EIF3M: variants seen among roughly 807,000 people sequenced by gnomAD.
EIF3M encodes B5 receptor.
In EIF3M, 25 loss-of-function variants were observed where a neutral mutation model predicts 49.7. That is an observed-to-expected ratio of 0.50 (90% confidence interval 0.37 to 0.70). The LOEUF (loss-of-function observed/expected upper bound fraction) is 0.70, where lower values mean the gene tolerates loss of function less well. Among genes scored for constraint, EIF3M ranks in the 30% least tolerant of loss-of-function variants. The pLI is 0.00. For missense variants in EIF3M, 350 were observed against 440.0 expected, an observed-to-expected ratio of 0.80 and a Z score of 1.83; for synonymous variants, 156 against 149.8, an observed-to-expected ratio of 1.04 and a Z score of -0.30.
intron 1 of EIF3M, 102 bp downstream of exon 1, chr11:32,584,031 C>CG (rs1432699262): frequency 1.4e-6 from 2 of 1,469,454 alleles, no homozygotes; most frequent in Non-Finnish European, 1.9e-6. Flanking sequence ...GGCTGACACC[C>CG]GCAGCTGTTC....
intron 7 of EIF3M, 95 bp from the exon 8 acceptor site, chr11:32,595,871 G>C: frequency 1.1e-6 from 1 of 919,586 alleles, no homozygotes. Context: ...GTAGGAGTCA[G>C]TATCTTTAAA....
At chr11:32,592,307 C>T (rs897041828) in intron 5 of EIF3M, 42 of 529,608 alleles carry the variant, frequency 7.9e-5, no homozygotes, top group South Asian at 5.2e-4. Flanking sequence ...ACAATTTTAT[C>T]ATGATCATCA....
rs532912365 is a variant in EIF3M at position 32,601,564 on chromosome 11, T to C, written c.944-198T>C. 2.4e-5 allele frequency: 11 copies of C among 464,512 alleles called. No individual in the cohort carries two copies. In the South Asian group the frequency reaches 5.0e-4, roughly 21 times the overall value. The allele number at this position is 464,512 out of a possible 1,614,324, so 28.8% of individuals were successfully genotyped here. A position where few individuals can be genotyped will look rare whatever the true frequency, so the allele number is the denominator to read the frequency against. On this transcript the variant is annotated intron_variant, in intron 9 of 10. Coordinates refer to ENST00000531120, the MANE Select transcript of EIF3M (RefSeq NM_006360.6). ...TGCAGTATTTATTTAATATAGATTGTCCCAGCAGCCATAGGACAAATGCAT... is the reference window on the plus strand; with the variant it reads ...TGCAGTATTTATTTAATATAGATTGCCCCAGCAGCCATAGGACAAATGCAT...
intron 9 of EIF3M, chr11:32,601,510 A>G: frequency 3.3e-6 from 1 of 301,812 alleles, no homozygotes. Flanking sequence ...TTAAAAAAAA[A>G]AAAAAAAAAA....
At chr11:32,589,176 T>C (rs1310206323) in intron 4 of EIF3M, 41 bp downstream of exon 4, 3 of 1,592,710 alleles carry the variant, frequency 1.9e-6, no homozygotes, top group Admixed American at 1.8e-5. Context: ...TTATAAGAAA[T>C]GTACTTTTTT....
intron 6 of EIF3M, 123 bp from the exon 7 acceptor site, chr11:32,594,791 T>G: frequency 1.4e-6 from 1 of 716,116 alleles, no homozygotes; most frequent in Non-Finnish European, 2.2e-6. Flanking sequence ...TTTTTTAATG[T>G]TGTTTATATG....
Position 32,602,699 on chromosome 11 carries a change from G to T in EIF3M, c.*300G>T. 1.1e-6 allele frequency: 1 copy of T among 939,120 alleles called. No homozygotes were observed. Among genetic ancestry groups the T allele is most frequent in the Non-Finnish European group, 1.6e-6 (1 of 642,584 alleles). The allele number at this position is 939,120 out of a possible 1,614,324, so 58.2% of individuals were successfully genotyped here. A position where few individuals can be genotyped will look rare whatever the true frequency, so the allele number is the denominator to read the frequency against. On this transcript the variant is annotated 3_prime_UTR_variant, in exon 11 of 11. Transcript: ENST00000531120. Reference sequence around the variant, plus strand: ...CAATTTCTTCACATTAGAAAAACTTGGAAAAGCAAAGACAAACTGTAGAGC... The same window carrying T: ...CAATTTCTTCACATTAGAAAAACTTTGAAAAGCAAAGACAAACTGTAGAGC...
intron 1 of EIF3M, among the ~76,000 whole-genome samples, chr11:32,584,570 T>A (rs1854962989): frequency 8.2e-6 from 1 of 122,342 alleles, no homozygotes. Context: ...ATCGCGCCAC[T>A]GCACTCCAGC....
intron 1 of EIF3M, among the ~76,000 whole-genome samples, chr11:32,584,607 C>CAAAAAAA (rs796738414): frequency 0.034 from 2,122 of 61,930 alleles, 226 homozygotes; most frequent in African/African-American, 0.1. Flanking sequence ...GAGTCCCTCT[C>CAAAAAAA]AAAAAAAAAA....
intron 6 of EIF3M, 103 bp downstream of exon 6, chr11:32,594,052 C>T: frequency 1.4e-6 from 1 of 708,758 alleles, no homozygotes; most frequent in Non-Finnish European, 2.1e-6. Context: ...ACCAGTGATC[C>T]AGAGCCATTT....
At chr11:32,592,044 C>T (rs752480906) in intron 5 of EIF3M, 5 of 278,780 alleles carry the variant, frequency 1.8e-5, no homozygotes, top group South Asian at 7.5e-5. Context: ...AGGACAACTG[C>T]GGTAGTTGCC....
intron 8 of EIF3M, among the ~76,000 whole-genome samples, chr11:32,596,712 C>T (rs1361163135): frequency 6.6e-6 from 1 of 152,034 alleles, no homozygotes; most frequent in East Asian, 1.9e-4. Flanking sequence ...TCAAGACCAG[C>T]CTGGCCAACA....
chr11:32,601,114 C>T (rs1208556544), intron 9 of EIF3M: 2 of 217,648 alleles, frequency 9.2e-6, no homozygotes, highest in Non-Finnish European at 9.0e-6. Flanking sequence ...GGATTTAAGA[C>T]CAGGCCCTTC....
rs796738414 is a variant in EIF3M at position 32,584,607 on chromosome 11, C to CAAAAAAAAAAAAA, written c.42+687_42+699dup. On this transcript the variant is annotated intron_variant, in intron 1 of 10. Transcript: ENST00000531120. ...TGGGCGACAGAGCGAGAGTCCCTCTCAAAAAAAAAAAAAAAAAAAAAGATC... is the reference window on the plus strand; with the variant it reads ...TGGGCGACAGAGCGAGAGTCCCTCTCAAAAAAAAAAAAAAAAAAAAAAAAAAAAAAAAAAGATC... 8.7e-4 allele frequency among the ~76,000 whole-genome samples: 54 copies of CAAAAAAAAAAAAA among 62,274 alleles called. 1 individual carries two copies. The highest frequency in any genetic ancestry group is 2.1e-3 in the African/African-American group (35 of 16,760). 40.9% of individuals were successfully genotyped at this position (62,274 alleles called of 152,430 possible).
intron 10 of EIF3M, chr11:32,602,035 G>A (rs1187366314): frequency 1.2e-6 from 1 of 834,608 alleles, no homozygotes; most frequent in South Asian, 1.6e-5. Context: ...TAATGGCTGA[G>A]CATTGGCTAG....
chr11:32,606,032 G>A lies in EIF3M; in HGVS notation c.*3633G>A, dbSNP rs1468619047. 6.6e-6 allele frequency: 1 copy of A among 151,692 alleles called. No individual in the cohort carries two copies. The highest frequency in any genetic ancestry group is 1.5e-5 in the Non-Finnish European group (1 of 67,980). The allele number at this position is 151,692 out of a possible 1,614,324, so 9.4% of individuals were successfully genotyped here. ...GGATATATAAAAAAAAAAGTAAGTGGCTTGCTTTGCTTACTCTGGTTTTCC... is the reference window on the plus strand; with the variant it reads ...GGATATATAAAAAAAAAAGTAAGTGACTTGCTTTGCTTACTCTGGTTTTCC... On this transcript the variant is annotated 3_prime_UTR_variant, in exon 11 of 11. Coordinates refer to ENST00000531120, the MANE Select transcript of EIF3M (RefSeq NM_006360.6).
rs763035659 is a variant in EIF3M at position 32,589,153 on chromosome 11, A to C, written c.438+18A>C. ...TGGATCAAGTGAGTTACTGTGTGGAATAGTTGTTCTGCTTATAAGAAATGT... is the reference window on the plus strand; with the variant it reads ...TGGATCAAGTGAGTTACTGTGTGGACTAGTTGTTCTGCTTATAAGAAATGT... On this transcript the variant is annotated intron_variant, in intron 4 of 10. Transcript: ENST00000531120. The C allele has an allele frequency of 6.2e-7, 1 of 1,607,486 alleles. No individual in the cohort carries two copies. The highest frequency in any genetic ancestry group is 1.1e-5 in the South Asian group (1 of 89,530).
chr11:32,585,227 A>C (rs114631418), intron 1 of EIF3M, among the ~76,000 whole-genome samples: 1,875 of 152,332 alleles, frequency 0.012, 33 homozygotes, highest in African/African-American at 0.042. Context: ...AGACAAAAAG[A>C]TACCTGATTA....
Position 32,600,826 on chromosome 11 carries a change from A to G in EIF3M, c.937A>G (p.Ile313Val), listed in dbSNP as rs1465103490. ...AGCTGATGATGTTGAAGCATTTGTT[A>G]TTGACGGTAAGGCAGACAGAACATT... ...IGADDVEAFVIDAVRTKMVYC... is the reference protein window; with the variant it reads ...IGADDVEAFVVDAVRTKMVYC... Residue 313 changes from isoleucine to valine, a missense_variant, in exon 9 of 11, where the codon ATT (isoleucine) becomes GTT (valine). Coordinates refer to ENST00000531120, the MANE Select transcript of EIF3M (RefSeq NM_006360.6). 1.2e-6 allele frequency: 2 copies of G among 1,605,422 alleles called. No individual in the cohort carries two copies. Among genetic ancestry groups the G allele is most frequent in the Non-Finnish European group, 8.5e-7 (1 of 1,175,994 alleles).
Sources: gnomAD v4.1 joint callset for allele counts (sites outside exome capture counted in the v4.1 genomes callset) on GRCh38, gnomAD v4.1.1 for gene constraint, MANE v1.5 for transcripts, NCBI Gene and HGNC (gene_info 2026-07-23, HGNC 2026-07-21) for gene names.